The following DNMBP variants were observed in gnomAD, a reference collection of about 807,000 sequenced individuals.
The protein encoded by DNMBP is dynamin-binding protein.
DNMBP carries 87 observed loss-of-function variants against 150.0 expected under a neutral mutation model. The observed-to-expected ratio is 0.58, with a 90% CI of 0.49 to 0.69. The LOEUF is 0.69. Ranked by LOEUF, DNMBP falls within the 30% of genes least tolerant of loss-of-function variation. DNMBP has a pLI of 0.00. For missense variants in DNMBP, 1,774 were observed against 1,949.0 expected (o/e 0.91, Z 1.69); for synonymous variants, 711 against 750.4 (o/e 0.95, Z 0.86).
chr10:99,939,631 C>T (rs868786418), intron 4 of DNMBP, among the ~76,000 whole-genome samples: 1 of 152,224 alleles, frequency 6.6e-6, no homozygotes, highest in Non-Finnish European at 1.5e-5. Flanking sequence ...AACTAAACCA[C>T]TTTTGTAAAA....
At chr10:99,889,205 A>C (rs369264568) in intron 11 of DNMBP, 3 of 372,976 alleles carry the variant, frequency 8.0e-6, no homozygotes, top group Non-Finnish European at 1.5e-5. Context: ...GCATTCCCCT[A>C]TGTCCCTAAT....
chr10:99,972,187 ATATAGATCTATTTC>A (rs1416577079), intron 1 of DNMBP, 53 bp from the exon 2 acceptor site: 6 of 1,443,132 alleles, frequency 4.2e-6, no homozygotes, highest in Middle Eastern at 3.8e-4. Context: ...AGACACTGCA[ATATAGATCTATTTC>A]TTGGAATGAT....
At chr10:99,954,298 G>A (rs1029962050) in intron 4 of DNMBP, among the ~76,000 whole-genome samples, 21 of 152,068 alleles carry the variant, frequency 1.4e-4, no homozygotes, top group Admixed American at 1.2e-3. Context: ...GCAGCCTTCC[G>A]AAGTGCTGGG....
chr10:99,943,213 A>C (rs1410541765), intron 4 of DNMBP, among the ~76,000 whole-genome samples: 1 of 151,830 alleles, frequency 6.6e-6, no homozygotes, highest in Non-Finnish European at 1.5e-5. Context: ...TGAACCCGGG[A>C]GGCAGAGGTT....
At position 99,876,753 on chromosome 10, in the gene DNMBP, G is replaced by A. The variant is rs2039280634; in HGVS notation, c.*398C>T. ...CATCTGAGTTGGCATCCGGTCAGCT[G>A]AGCATGGAACATGGGGCCACCCCAA... On this transcript the variant is annotated 3_prime_UTR_variant, in exon 17 of 17. Transcript: ENST00000324109. The A allele has an allele frequency of 1.3e-5, 2 of 157,630 alleles. No individual in the cohort carries two copies. The highest frequency in any genetic ancestry group is 2.4e-5 in the African/African-American group (1 of 41,672). The allele number at this position is 157,630 out of a possible 1,614,324, so 9.8% of individuals were successfully genotyped here.
intron 4 of DNMBP, chr10:99,930,742 T>C (rs1279579495): frequency 1.5e-6 from 1 of 677,250 alleles, no homozygotes. Flanking sequence ...CTTTCTTTTC[T>C]AGCCTTCTGG....
intron 15 of DNMBP, among the ~76,000 whole-genome samples, chr10:99,881,819 C>T (rs150932269): frequency 7.2e-4 from 110 of 152,200 alleles, no homozygotes; most frequent in Admixed American, 1.4e-3. Flanking sequence ...CCACAAGATG[C>T]TTTTAAAGAA....
In DNMBP at chr10:99,908,098, A is replaced by G; in HGVS notation, c.2455-4T>C. On this transcript the variant is annotated splice_region_variant and splice_polypyrimidine_tract_variant and intron_variant, in intron 5 of 16. Coordinates refer to ENST00000324109, the MANE Select transcript of DNMBP (RefSeq NM_015221.4). ...CCTCAAAATCAATGTTTGGTACCTGAGAAAAGGAAACAAAACATAAAAATG... is the reference window on the plus strand; with the variant it reads ...CCTCAAAATCAATGTTTGGTACCTGGGAAAAGGAAACAAAACATAAAAATG... 1 of 1,600,910 alleles carries G rather than the reference A, an allele frequency of 6.2e-7. No homozygotes were observed. The highest frequency in any genetic ancestry group is 8.6e-7 in the Non-Finnish European group (1 of 1,168,190).
chr10:99,916,640 A>G (rs746959553), intron 4 of DNMBP, among the ~76,000 whole-genome samples: 2 of 140,226 alleles, frequency 1.4e-5, no homozygotes, highest in Non-Finnish European at 3.2e-5. Context: ...TTAAAACTTT[A>G]ATATTTTTTC....
intron 4 of DNMBP, among the ~76,000 whole-genome samples, chr10:99,923,085 C>T (rs2133269624): frequency 6.6e-6 from 1 of 152,210 alleles, no homozygotes; most frequent in Non-Finnish European, 1.5e-5. Context: ...AAGACCCTGT[C>T]TCTACTAAAA....
chr10:99,964,206 G>A (rs1307004243), intron 3 of DNMBP, among the ~76,000 whole-genome samples: 3 of 140,120 alleles, frequency 2.1e-5, no homozygotes, highest in Non-Finnish European at 3.0e-5. Flanking sequence ...GCAGTGGTGC[G>A]ATCTCGGCTC....
At position 99,877,052 on chromosome 10, in the gene DNMBP, G is replaced by A; in HGVS notation, c.*99C>T. On this transcript the variant is annotated 3_prime_UTR_variant, in exon 17 of 17. Coordinates refer to ENST00000324109, the MANE Select transcript of DNMBP (RefSeq NM_015221.4). ...TGCCATGGTTAAGCAACGCAGACAGGGCCTGTGTCTCAGGAGCAGGCGCCC... is the reference window on the plus strand; with the variant it reads ...TGCCATGGTTAAGCAACGCAGACAGAGCCTGTGTCTCAGGAGCAGGCGCCC... 1 of 1,071,732 alleles carries A rather than the reference G, an allele frequency of 9.3e-7. No homozygotes were observed. Among genetic ancestry groups the A allele is most frequent in the Non-Finnish European group, 1.4e-6 (1 of 736,030 alleles). 66.4% of individuals were successfully genotyped at this position (1,071,732 alleles called of 1,614,324 possible).
At chr10:99,889,260 A>C (rs1448454995) in intron 11 of DNMBP, 1 of 211,806 alleles carries the variant, frequency 4.7e-6, no homozygotes, top group Non-Finnish European at 9.5e-6. Context: ...AATTAGAACC[A>C]AGATGATTCC....
chr10:99,957,311 A>G, intron 3 of DNMBP, 106 bp from the exon 4 acceptor site: 1 of 970,200 alleles, frequency 1.0e-6, no homozygotes, highest in Non-Finnish European at 1.5e-6. Flanking sequence ...AAATTCAAGG[A>G]AATACACCTA....
intron 15 of DNMBP, among the ~76,000 whole-genome samples, chr10:99,883,668 A>AAAAAAAAAAAAAAAG (rs2039405371): frequency 1.4e-5 from 2 of 145,584 alleles, no homozygotes; most frequent in Admixed American, 6.9e-5. Context: ...AAAAAAAAAA[A>AAAAAAAAAAAAAAAG]TTTGAAAAGA....
chr10:99,924,116 TG>T (rs1397587688), intron 4 of DNMBP, among the ~76,000 whole-genome samples: 1 of 152,070 alleles, frequency 6.6e-6, no homozygotes, highest in African/African-American at 2.4e-5. Context: ...ATTGTGCCAC[TG>T]CACTCCAGCC....
Position 99,955,950 on chromosome 10 carries a change from C to T in DNMBP, c.1524G>A (p.Lys508=). The stretch of plus-strand genomic sequence containing the variant: ...TGGAGTAAACACTGGACGTGTGGTG[C>T]TTTTTAGTATAACTTGCTAGGTTGT... The part of the protein sequence containing the change: ...QLHNLASYTK[K]HHTSSVYSIS... Residue 508 remains lysine (K), a synonymous_variant, in exon 4 of 17, where the codon AAG becomes AAA. Transcript: ENST00000324109. 1.2e-6 allele frequency: 2 copies of T among 1,614,160 alleles called. No homozygotes were observed. The highest frequency in any genetic ancestry group is 1.7e-6 in the Non-Finnish European group (2 of 1,180,038).
intron 4 of DNMBP, among the ~76,000 whole-genome samples, chr10:99,926,241 T>C (rs1307317241): frequency 6.6e-6 from 1 of 152,208 alleles, no homozygotes; most frequent in East Asian, 1.9e-4. Context: ...TCCCTACTTA[T>C]AACTACCAAA....
At position 99,957,140 on chromosome 10, in the gene DNMBP, C is replaced by T. The variant is rs201560883; in HGVS notation, c.334G>A (p.Ala112Thr). The T allele has an allele frequency of 2.4e-4, 390 of 1,612,072 alleles. No individual in the cohort carries two copies. Among genetic ancestry groups the T allele is most frequent in the Admixed American group, 3.2e-4 (19 of 60,006 alleles). Reference protein sequence around the residue: ...GWLQGRSCWGARGFFPSSCVR... With the variant: ...GWLQGRSCWGTRGFFPSSCVR... ...CATGAAGATGGGAAGAAGCCCCGTG[C>T]GCCCCAGCAGCTTCGGCCCTGCAGC... The change falls in exon 4 of 17, where the codon GCA becomes ACA. Residue 112 changes from alanine to threonine, a missense_variant. Physicochemically the swap from Ala to Thr is moderately conservative, Grantham distance 58 (BLOSUM62 0). Coordinates refer to ENST00000324109, the MANE Select transcript of DNMBP (RefSeq NM_015221.4).
Sources: gnomAD v4.1 joint callset for allele counts (sites outside exome capture counted in the v4.1 genomes callset) on GRCh38, gnomAD v4.1.1 for gene constraint, MANE v1.5 for transcripts, NCBI Gene and HGNC (gene_info 2026-07-23, HGNC 2026-07-21) for gene names.